CLASP1: variants seen among roughly 807,000 people sequenced by gnomAD.
CLASP1 encodes cytoplasmic linker associated protein 1.
A neutral mutation model predicts 192.3 loss-of-function variants in CLASP1; 38 were observed. The ratio of observed to expected loss-of-function variants is 0.20; its 90% confidence interval spans 0.15 to 0.26. CLASP1 has a LOEUF of 0.26. CLASP1 is among the 10% of genes least tolerant of loss of function. The pLI, the probability that CLASP1 is intolerant of heterozygous loss-of-function variation, is 1.00. For synonymous variants in CLASP1, 691 were observed against 712.8 expected (o/e 0.97, Z 0.49); for missense variants, 1,433 against 1,932.5 (o/e 0.74, Z 4.85).
chr2:121,350,876 C>T (rs1183491130), intron 37 of CLASP1, among the ~76,000 whole-genome samples: 1 of 152,168 alleles, frequency 6.6e-6, no homozygotes, highest in Non-Finnish European at 1.5e-5. Context: ...CCTCTTCATA[C>T]TTTTTAGATA....
Position 121,500,376 on chromosome 2 carries a change from GAA to G in CLASP1, c.712+2789_712+2790del, listed in dbSNP as rs142741911. Among the ~76,000 whole-genome samples, 114 of 94,744 alleles carry G rather than the reference GAA, an allele frequency of 1.2e-3. 2 individuals are homozygous for G. The highest frequency in any genetic ancestry group is 5.7e-3 in the African/African-American group (106 of 18,462). The allele number at this position is 94,744 out of a possible 152,430, so 62.2% of individuals were successfully genotyped here. A position where few individuals can be genotyped will look rare whatever the true frequency, so the allele number is the denominator to read the frequency against. On this transcript the variant is annotated intron_variant, in intron 8 of 39. Coordinates refer to ENST00000263710, the Ensembl canonical transcript of CLASP1. ...AGAAAGAAAGAAAGAAAGAAAGAAA[GAA>G]AGAAAGAAAGAAAGAAAGAAAAGAA...
rs1452139596 is a variant in CLASP1, at chr2:121,407,732, G to C, written c.2425-17C>G. 6.2e-6 allele frequency: 10 copies of C among 1,613,628 alleles called. No individual in the cohort carries two copies. The highest frequency in any genetic ancestry group is 7.6e-6 in the Non-Finnish European group (9 of 1,179,722). On this transcript the variant is annotated splice_polypyrimidine_tract_variant and intron_variant, in intron 24 of 39. Coordinates refer to ENST00000263710, the Ensembl canonical transcript of CLASP1. ...AGGCTTCTTCTGACAGGTCCAATGA[G>C]GGATGGGAGTGATTGAGGAAGAAAT...
At chr2:121,462,690 A>C in intron 9 of CLASP1, 85 bp from the exon 10 acceptor site, 2 of 764,570 alleles carry the variant, frequency 2.6e-6, no homozygotes, top group Non-Finnish European at 4.4e-6. Flanking sequence ...ATACACAATC[A>C]AAATTACATT....
At chr2:121,530,411 T>C (rs2094742163) in intron 2 of CLASP1, 86 bp from the exon 3 acceptor site, 14 of 1,047,964 alleles carry the variant, frequency 1.3e-5, no homozygotes, top group Non-Finnish European at 2.8e-6. Context: ...GCCTAGACAT[T>C]TCCGGCCCAG....
chr2:121,611,403 G>A (rs1156977330), intron 1 of CLASP1, among the ~76,000 whole-genome samples: 1 of 144,160 alleles, frequency 6.9e-6, no homozygotes, highest in Non-Finnish European at 1.5e-5. Flanking sequence ...AACTGGAGGA[G>A]GAGGAGGAGT....
chr2:121,542,049 G>A (rs562564995), intron 2 of CLASP1, among the ~76,000 whole-genome samples: 4 of 152,146 alleles, frequency 2.6e-5, no homozygotes, highest in South Asian at 2.1e-4. Context: ...CCAGGCACAC[G>A]CACATGCACA....
intron 14 of CLASP1, among the ~76,000 whole-genome samples, chr2:121,454,291 G>C (rs1356153257): frequency 6.6e-6 from 1 of 151,956 alleles, no homozygotes; most frequent in African/African-American, 2.4e-5. Flanking sequence ...GTCCCTATAA[G>C]AAGAGATAAC....
chr2:121,611,542 A>G (rs1223845462), intron 1 of CLASP1, among the ~76,000 whole-genome samples: 54 of 73,998 alleles, frequency 7.3e-4, no homozygotes, highest in Admixed American at 8.2e-4. Flanking sequence ...GTTACAGGAG[A>G]AAGAGGAACT....
chr2:121,470,310 T>TTC (rs760378255), intron 8 of CLASP1: 21 of 427,990 alleles, frequency 4.9e-5, no homozygotes, highest in Non-Finnish European at 6.9e-5. Context: ...TTTTTTTTTT[T>TTC]TTTTTTTTTT....
intron 19 of CLASP1, among the ~76,000 whole-genome samples, chr2:121,430,594 A>C (rs1164616033): frequency 6.6e-6 from 1 of 152,224 alleles, no homozygotes; most frequent in Non-Finnish European, 1.5e-5. Context: ...CACTGTAAAA[A>C]ACAAACTATA....
intron 2 of CLASP1, among the ~76,000 whole-genome samples, chr2:121,556,266 G>A (rs1372826640): frequency 6.6e-6 from 1 of 152,084 alleles, no homozygotes; most frequent in Non-Finnish European, 1.5e-5. Flanking sequence ...GATTATAGGT[G>A]TGAACCACCA....
chr2:121,444,043 T>A (rs1329021958), intron 19 of CLASP1, among the ~76,000 whole-genome samples: 3 of 152,224 alleles, frequency 2.0e-5, no homozygotes, highest in Admixed American at 6.5e-5. Context: ...TAAGCCTCTA[T>A]TTAGGCAGAG....
chr2:121,617,590 T>C (rs969109432), intron 1 of CLASP1, among the ~76,000 whole-genome samples: 1 of 152,190 alleles, frequency 6.6e-6, no homozygotes, highest in Admixed American at 6.5e-5. Context: ...AAGGAAGACT[T>C]TTCTGTACTT....
At chr2:121,607,799 C>T (rs1034965996) in intron 1 of CLASP1, among the ~76,000 whole-genome samples, 2 of 152,146 alleles carry the variant, frequency 1.3e-5, no homozygotes, top group South Asian at 4.2e-4. Flanking sequence ...AGTCTGAACA[C>T]AGCAATTCTC....
At chr2:121,646,608 T>G (rs1399996585) in intron 1 of CLASP1, among the ~76,000 whole-genome samples, 2 of 152,204 alleles carry the variant, frequency 1.3e-5, no homozygotes, top group African/African-American at 2.4e-5. Flanking sequence ...AATCTAAAAA[T>G]TATTAAGTAG....
At chr2:121,388,737 A>C (rs533119180) in intron 30 of CLASP1, among the ~76,000 whole-genome samples, 4 of 152,380 alleles carry the variant, frequency 2.6e-5, no homozygotes, top group African/African-American at 9.6e-5. Context: ...AAAAAAATTT[A>C]GTAAATACTA....
At chr2:121,371,978 A>G (rs1194953129) in intron 34 of CLASP1, among the ~76,000 whole-genome samples, 1 of 152,228 alleles carries the variant, frequency 6.6e-6, no homozygotes, top group Non-Finnish European at 1.5e-5. Context: ...ACAAGATCCA[A>G]TGTACTCCTG....
In CLASP1 at chr2:121,478,783, CCCACACACACCACACA is replaced by C. The variant is rs1575273129; in HGVS notation, c.713-8839_713-8824del. 2.4e-4 allele frequency among the ~76,000 whole-genome samples: 8 copies of C among 33,582 alleles called. No individual in the cohort carries two copies. In the East Asian group the frequency reaches 2.5e-3, roughly 10 times the overall value. The allele number at this position is 33,582 out of a possible 152,430, so 22.0% of individuals were successfully genotyped here. On this transcript the variant is annotated intron_variant, in intron 8 of 39. Coordinates refer to ENST00000263710, the Ensembl canonical transcript of CLASP1. ...CACACCACACACCCCACACACACACCCCACACACACCACACACCACACACACACCCCACACACAACC... is the reference window on the plus strand; with the variant it reads ...CACACCACACACCCCACACACACACCCCACACACACACCCCACACACAACC...
At chr2:121,510,580 C>T (rs1559476870) in intron 7 of CLASP1, among the ~76,000 whole-genome samples, 2 of 151,742 alleles carry the variant, frequency 1.3e-5, no homozygotes, top group South Asian at 4.2e-4. Flanking sequence ...ATTAGTGATT[C>T]AAAAAAAATC....
Sources: allele counts gnomAD v4.1 joint callset (sites outside exome capture counted in the v4.1 genomes callset), GRCh38; gene constraint gnomAD v4.1.1; transcripts MANE v1.5; gene names NCBI Gene and HGNC (gene_info 2026-07-23, HGNC 2026-07-21).